The following ALAS2 variants were observed in gnomAD, a reference collection of about 807,000 sequenced individuals.
ALAS2 encodes 5'-aminolevulinate synthase 2.
In ALAS2, 3 loss-of-function variants were observed where a neutral mutation model predicts 33.7. The observed-to-expected ratio is 0.09, with a 90% CI of 0.04 to 0.23. The LOEUF is 0.23. Ranked by LOEUF, ALAS2 falls within the 10% of genes least tolerant of loss-of-function variation. ALAS2 has a pLI of 1.00. For missense variants in ALAS2, 304 were observed against 475.1 expected (o/e 0.64, Z 3.35); for synonymous variants, 191 against 177.3 (o/e 1.08, Z -0.61).
intron 8 of ALAS2, 89 bp downstream of exon 8, chrX:55,015,489 C>A: frequency 9.3e-7 from 1 of 1,077,409 alleles, no homozygotes; most frequent in Non-Finnish European, 1.3e-6. Flanking sequence ...TCCAAACAAC[C>A]CCTATAGCTT....
intron 6 of ALAS2, among the ~76,000 whole-genome samples, chrX:55,019,069 G>A (rs1022126025): frequency 2.7e-5 from 3 of 111,446 alleles, no homozygotes; most frequent in African/African-American, 9.8e-5. Flanking sequence ...GAAGTAGATA[G>A]TAAGAGCGAA....
intron 3 of ALAS2, among the ~76,000 whole-genome samples, chrX:55,024,457 A>C (rs1194095100): frequency 8.9e-6 from 1 of 111,895 alleles, no homozygotes; most frequent in Non-Finnish European, 1.9e-5. Flanking sequence ...AGCCACCTGA[A>C]AAAGAGGAGT....
rs1352044711 is a variant in ALAS2 at position 55,009,113 on chromosome X, G to A, written c.*67C>T. On this transcript the variant is annotated 3_prime_UTR_variant, in exon 11 of 11. Coordinates refer to ENST00000650242, the MANE Select transcript of ALAS2 (RefSeq NM_000032.5). The stretch of plus-strand genomic sequence containing the variant: ...TCAGCTAGAGGCACACAACAAAGCA[G>A]AAGACAGGAGTAGGCCTGGACCCAA... 5.2e-6 allele frequency: 6 copies of A among 1,152,882 alleles called. No individual in the cohort carries two copies. The highest frequency in any genetic ancestry group is 7.0e-6 in the Non-Finnish European group (6 of 854,299).
At chrX:55,029,592 T>C (rs1935955209) in intron 1 of ALAS2, among the ~76,000 whole-genome samples, 1 of 111,524 alleles carries the variant, frequency 9.0e-6, no homozygotes, top group African/African-American at 3.3e-5. Context: ...TGCACTAACA[T>C]AGGCCTCTTT....
intron 8 of ALAS2, 69 bp from the exon 9 acceptor site, chrX:55,015,084 C>T: frequency 4.5e-6 from 5 of 1,122,832 alleles, no homozygotes; most frequent in Non-Finnish European, 6.0e-6. Flanking sequence ...GATCATGTGC[C>T]AGATAACACA....
At position 55,013,526 on chromosome X, in the gene ALAS2, G is replaced by A. The variant is rs150055592; in HGVS notation, c.1560C>T (p.Pro520=). Residue 520 remains proline, a synonymous_variant, in exon 10 of 11, where the codon CCC becomes CCT. Transcript: ENST00000650242. ...TCATCTGAGGGCTGTGGTGGGGGGA[G>A]GGTGCCAAGCGCAGGAGCTCTTCAC... The part of the protein sequence containing the change: ...PRGEELLRLA[P]SPHHSPQMME... 1.7e-6 allele frequency: 2 copies of A among 1,211,494 alleles called. No individual in the cohort carries two copies. Among genetic ancestry groups the A allele is most frequent in the Admixed American group, 2.2e-5 (1 of 46,021 alleles).
At chrX:55,017,768 T>G (rs1485708466) in intron 6 of ALAS2, 103 bp from the exon 7 acceptor site, 71 of 857,295 alleles carry the variant, frequency 8.3e-5, no homozygotes, top group Non-Finnish European at 1.2e-4. Flanking sequence ...TTCTTCCCTT[T>G]GAAGACCTTG....
chrX:55,016,653 A>G (rs1374030900), intron 7 of ALAS2, among the ~76,000 whole-genome samples: 1 of 112,121 alleles, frequency 8.9e-6, no homozygotes, highest in Non-Finnish European at 1.9e-5. Flanking sequence ...CTTCCCTTAA[A>G]TAAATCCATA....
intron 10 of ALAS2, among the ~76,000 whole-genome samples, chrX:55,011,515 C>T (rs985809548): frequency 2.7e-5 from 3 of 110,821 alleles, no homozygotes; most frequent in Admixed American, 9.6e-5. Context: ...TGGTCATCAT[C>T]GAGAAAGGAT....
intron 10 of ALAS2, among the ~76,000 whole-genome samples, chrX:55,012,579 G>A (rs1422268396): frequency 4.4e-5 from 5 of 112,369 alleles, no homozygotes; most frequent in Non-Finnish European, 9.4e-5. Context: ...ACGAGGTCAG[G>A]AGTTCGAGAC....
chrX:55,017,663 A>T lies in ALAS2; in HGVS notation c.826T>A (p.Cys276Ser). 8.3e-7 allele frequency: 1 copy of T among 1,210,833 alleles called. No individual in the cohort carries two copies. Among genetic ancestry groups the T allele is most frequent in the Non-Finnish European group, 1.1e-6 (1 of 894,836 alleles). ...LFTLAKILPG[C>S]EIYSDAGNHA... ...TTGCCTGCGTCTGAGTAAATCTCGC[A>T]CCCTGAGGAAGCAGATGTATAATCC... is the stretch of plus-strand genomic sequence containing the variant. Residue 276 changes from cysteine to serine, a missense_variant and splice_region_variant, in exon 7 of 11, where the codon TGC (cysteine) becomes AGC (serine). Transcript: ENST00000650242.
In ALAS2 at chrX:55,023,841, T is replaced by C; in HGVS notation, c.331A>G (p.Ser111Gly). 1 of 1,210,486 alleles carries C rather than the reference T, an allele frequency of 8.3e-7. No individual in the cohort carries two copies. The highest frequency in any genetic ancestry group is 1.7e-5 in the African/African-American group (1 of 57,743). The part of the protein sequence containing the change: ...TDLPSSLVSV[S>G]LRKPFSGPQE... ...GGACCGGAAAATGGCTTCCTTAGGC[T>C]GACTGAGACCAGGGAGCTAGGCAGA... is the stretch of plus-strand genomic sequence containing the variant. Residue 111 changes from serine (S) to glycine (G), a missense_variant, in exon 4 of 11, where the codon AGC becomes GGC. This residue lies in a region of ALAS2 where 71 missense variants were observed against 82.8 expected (regional missense o/e 0.86). Coordinates refer to ENST00000650242, the MANE Select transcript of ALAS2 (RefSeq NM_000032.5).
chrX:55,018,011 A>T (rs947393601), intron 6 of ALAS2, among the ~76,000 whole-genome samples: 3 of 111,918 alleles, frequency 2.7e-5, no homozygotes, highest in African/African-American at 9.8e-5. Context: ...GACTTGAAAA[A>T]GGGATTACCC....
intron 1 of ALAS2, among the ~76,000 whole-genome samples, chrX:55,027,152 A>C (rs1482453419): frequency 9.0e-6 from 1 of 111,280 alleles, no homozygotes; most frequent in Non-Finnish European, 1.9e-5. Flanking sequence ...CGAAAGGGAC[A>C]TGAGGAGGGA....
chrX:55,010,881 C>T (rs1935590506), intron 10 of ALAS2, among the ~76,000 whole-genome samples: 1 of 111,747 alleles, frequency 8.9e-6, no homozygotes, highest in African/African-American at 3.3e-5. Flanking sequence ...CTACTGCATC[C>T]CCAGTGCCTA....
chrX:55,010,711 CT>C (rs1935588235), intron 10 of ALAS2, among the ~76,000 whole-genome samples: 1 of 111,662 alleles, frequency 9.0e-6, no homozygotes, highest in Non-Finnish European at 1.9e-5. Context: ...GAACTCGCCC[CT>C]GGCCCCTTAT....
rs368764287 is a variant in ALAS2 at position 55,015,639 on chromosome X, G to A, written c.1107C>T (p.Gly369=). Residue 369 remains glycine, a synonymous_variant, in exon 8 of 11, where the codon GGC becomes GGT. Coordinates refer to ENST00000650242, the MANE Select transcript of ALAS2 (RefSeq NM_000032.5). ...VHAVGLYGSR[G]AGIGERDGIM... ...TTCCATCACGCTCCCCAATCCCAGC[G>A]CCCCGGGACCCATACAGTCCTACAG... The A allele has an allele frequency of 1.0e-4, 121 of 1,208,823 alleles. No homozygotes were observed. In the South Asian group the frequency reaches 1.3e-3, roughly 13 times the overall value.
chrX:55,017,823 C>G (rs138711050), intron 6 of ALAS2, among the ~76,000 whole-genome samples, 158 bp from the exon 7 acceptor site: 1 of 112,243 alleles, frequency 8.9e-6, no homozygotes, highest in East Asian at 2.8e-4. Flanking sequence ...ACTTCTTTCT[C>G]CCTTGGAAGG....
intron 4 of ALAS2, 141 bp from the exon 5 acceptor site, chrX:55,021,415 G>A: frequency 1.9e-6 from 1 of 518,697 alleles, no homozygotes; most frequent in East Asian, 3.6e-5. Context: ...TTGACTTATG[G>A]ACCACATTAA....
Sources: gnomAD v4.1 joint callset for allele counts (sites outside exome capture counted in the v4.1 genomes callset) on GRCh38, gnomAD v4.1.1 for gene constraint, gnomAD v4.1.1 regional missense constraint, MANE v1.5 for transcripts, NCBI Gene and HGNC (gene_info 2026-07-23, HGNC 2026-07-21) for gene names.